CD2AP: variants seen among roughly 807,000 people sequenced by gnomAD.
The protein encoded by CD2AP is CD2-associated protein.
Under a neutral mutation model 85.1 loss-of-function variants are expected in CD2AP, and 46 were observed. The observed-to-expected ratio is 0.54, with a 90% CI of 0.43 to 0.69. CD2AP has a LOEUF of 0.69. Ranked by LOEUF, CD2AP falls within the 30% of genes least tolerant of loss-of-function variation. CD2AP has a pLI of 0.00. For synonymous variants in CD2AP, 255 were observed against 252.9 expected (o/e 1.01, Z -0.08); for missense variants, 769 against 729.5 (o/e 1.05, Z -0.62).
At chr6:47,596,422 A>G (rs2114132030) in intron 12 of CD2AP, among the ~76,000 whole-genome samples, 1 of 151,978 alleles carries the variant, frequency 6.6e-6, no homozygotes, top group East Asian at 1.9e-4. Flanking sequence ...CTCCCCTCCA[A>G]CTCACAACCA....
intron 1 of CD2AP, among the ~76,000 whole-genome samples, chr6:47,488,833 G>A (rs574836403): frequency 1.5e-3 from 233 of 152,160 alleles, no homozygotes; most frequent in African/African-American, 5.4e-3. Flanking sequence ...CGAGGCTACA[G>A]CGAGCCATGA....
chr6:47,621,320 ATTCTGT>A (rs1769737566), intron 17 of CD2AP, among the ~76,000 whole-genome samples: 1 of 151,960 alleles, frequency 6.6e-6, no homozygotes, highest in Non-Finnish European at 1.5e-5. Flanking sequence ...TTTGTTTTTA[ATTCTGT>A]TTATGTGGTA....
chr6:47,577,122 T>A lies in CD2AP; in HGVS notation c.903+19T>A. 6 of 1,192,096 alleles carry A rather than the reference T, an allele frequency of 5.0e-6. No individual in the cohort carries two copies. The highest frequency in any genetic ancestry group is 7.5e-6 in the Non-Finnish European group (6 of 795,748). 73.8% of individuals were successfully genotyped at this position (1,192,096 alleles called of 1,614,324 possible). ...AAGTAAGGTAAGGTGTTTCTGTTTT[T>A]CAGTGAATTGCTTAATTTATTTATA... On this transcript the variant is annotated intron_variant, in intron 8 of 17. Coordinates refer to ENST00000359314, the MANE Select transcript of CD2AP (RefSeq NM_012120.3).
intron 4 of CD2AP, among the ~76,000 whole-genome samples, chr6:47,546,646 G>T (rs1473338408): frequency 1.3e-5 from 2 of 151,934 alleles, no homozygotes; most frequent in East Asian, 3.9e-4. Context: ...CCTTGCCAGA[G>T]ACCTAGACAT....
intron 3 of CD2AP, 72 bp from the exon 4 acceptor site, chr6:47,544,524 GTGACTAAACA>G: frequency 1.1e-6 from 1 of 881,440 alleles, no homozygotes; most frequent in South Asian, 1.4e-5. Context: ...TATAAGTCCT[GTGACTAAACA>G]TGGCATGTAA....
At position 47,503,875 on chromosome 6, in the gene CD2AP, G is replaced by T. The variant is rs560761138; in HGVS notation, c.165+435G>T. 2.0e-5 allele frequency among the ~76,000 whole-genome samples: 3 copies of T among 152,264 alleles called. No individual in the cohort carries two copies. The South Asian group carries it at 6.2e-4, about 31-fold the overall frequency. On this transcript the variant is annotated intron_variant, in intron 2 of 17. Coordinates refer to ENST00000359314, the MANE Select transcript of CD2AP (RefSeq NM_012120.3). ...GGTTAAGTGATTTTGTCCACTGTTG[G>T]TTAGCTAAGACAAGAGACTTTGAAC... is the stretch of plus-strand genomic sequence containing the variant.
intron 1 of CD2AP, among the ~76,000 whole-genome samples, chr6:47,480,515 T>C (rs1765415785): frequency 6.6e-6 from 1 of 152,226 alleles, no homozygotes; most frequent in African/African-American, 2.4e-5. Flanking sequence ...CAGAGACTAC[T>C]TGAGGTCAAA....
chr6:47,550,624 T>A (rs2114055806), intron 4 of CD2AP, among the ~76,000 whole-genome samples: 1 of 152,238 alleles, frequency 6.6e-6, no homozygotes, highest in East Asian at 1.9e-4. Context: ...TGGAAAACAG[T>A]GTGGAGATTC....
intron 1 of CD2AP, among the ~76,000 whole-genome samples, chr6:47,485,270 C>A (rs1400608696): frequency 6.6e-6 from 1 of 151,934 alleles, no homozygotes; most frequent in African/African-American, 2.4e-5. Context: ...TGATGACAGC[C>A]CTATGCACGT....
At chr6:47,603,096 C>T (rs1582614311) in intron 13 of CD2AP, among the ~76,000 whole-genome samples, 1 of 151,672 alleles carries the variant, frequency 6.6e-6, no homozygotes, top group Admixed American at 6.6e-5. Flanking sequence ...CTAATAGGTA[C>T]CTGTTGAGTA....
At chr6:47,563,062 G>A in intron 5 of CD2AP, 2 of 284,036 alleles carry the variant, frequency 7.0e-6, no homozygotes, top group South Asian at 8.6e-5. Flanking sequence ...TTTAGTTTGA[G>A]GAATAGTTTG....
At chr6:47,582,155 CT>C in intron 11 of CD2AP, 90 bp downstream of exon 11, 1 of 827,928 alleles carries the variant, frequency 1.2e-6, no homozygotes, top group South Asian at 1.4e-5. Flanking sequence ...GTTATTTACA[CT>C]GATTTTTAAC....
At chr6:47,527,238 G>A (rs1766755145) in intron 2 of CD2AP, among the ~76,000 whole-genome samples, 1 of 152,130 alleles carries the variant, frequency 6.6e-6, no homozygotes, top group Admixed American at 6.6e-5. Context: ...GTCTGTGAAG[G>A]TGTGCTCCTA....
In CD2AP at chr6:47,624,701, GTGTGTGTGTGTGTGTGTGTGTA is replaced by G. The variant is rs1561838506; in HGVS notation, c.*476_*497del. 1.5e-5 allele frequency: 2 copies of G among 136,622 alleles called. No homozygotes were observed. Among genetic ancestry groups the G allele is most frequent in the Non-Finnish European group, 3.3e-5 (2 of 61,486 alleles). The allele number at this position is 136,622 out of a possible 1,614,324, so 8.5% of individuals were successfully genotyped here. ...ACTCTGTGTGTGTGTGTGTGTGTGT[GTGTGTGTGTGTGTGTGTGTGTA>G]TATATATATATATATTTTTACTTTT... is the stretch of plus-strand genomic sequence containing the variant. On this transcript the variant is annotated 3_prime_UTR_variant, in exon 18 of 18. Coordinates refer to ENST00000359314, the MANE Select transcript of CD2AP (RefSeq NM_012120.3).
intron 1 of CD2AP, among the ~76,000 whole-genome samples, chr6:47,498,875 G>T (rs1012678953): frequency 6.6e-6 from 1 of 152,074 alleles, no homozygotes; most frequent in East Asian, 1.9e-4. Flanking sequence ...AAGTATTTTA[G>T]TGTGTATTTT....
At chr6:47,544,558 A>T (rs769583566) in intron 3 of CD2AP, 48 bp from the exon 4 acceptor site, 2 of 1,228,630 alleles carry the variant, frequency 1.6e-6, no homozygotes, top group Admixed American at 3.4e-5. Flanking sequence ...TACTGTTTTT[A>T]AAAATGATCA....
chr6:47,583,476 A>G (rs1186505281), intron 11 of CD2AP, among the ~76,000 whole-genome samples: 1 of 152,000 alleles, frequency 6.6e-6, no homozygotes, highest in African/African-American at 2.4e-5. Context: ...ATGACTCCAT[A>G]GTTTTGCCTT....
At chr6:47,484,705 A>G (rs1424624603) in intron 1 of CD2AP, among the ~76,000 whole-genome samples, 1 of 152,124 alleles carries the variant, frequency 6.6e-6, no homozygotes, top group African/African-American at 2.4e-5. Context: ...TCAGTTTCTC[A>G]ACTCATTTGC....
intron 3 of CD2AP, 125 bp downstream of exon 3, chr6:47,533,880 T>G: frequency 1.1e-6 from 1 of 908,126 alleles, no homozygotes; most frequent in Non-Finnish European, 1.7e-6. Context: ...CTGCAAAGTC[T>G]CATGTTACTA....
Sources: allele counts gnomAD v4.1 joint callset (sites outside exome capture counted in the v4.1 genomes callset), GRCh38; gene constraint gnomAD v4.1.1; transcripts MANE v1.5; gene names NCBI Gene and HGNC (gene_info 2026-07-23, HGNC 2026-07-21).